The following LAMA2 variants were observed in gnomAD, a reference collection of about 807,000 sequenced individuals.
LAMA2 encodes laminin subunit alpha-2.
Under a neutral mutation model 364.8 loss-of-function variants are expected in LAMA2, and 269 were observed. That is an observed-to-expected ratio of 0.74 (90% CI 0.67 to 0.82). The LOEUF is 0.82. LAMA2 is among the 40% of genes least tolerant of loss of function. The probability of loss-of-function intolerance (pLI) is 0.00; values close to 1 mark genes in which losing one functional copy is unlikely to be tolerated. For missense variants in LAMA2, 3,807 were observed against 3,873.2 expected, an observed-to-expected ratio of 0.98 and a Z score of 0.45; for synonymous variants, 1,379 against 1,370.6, an observed-to-expected ratio of 1.01 and a Z score of -0.14.
intron 22 of LAMA2, among the ~76,000 whole-genome samples, chr6:129,304,546 A>G (rs1163199496): frequency 6.6e-6 from 1 of 152,240 alleles, no homozygotes; most frequent in Non-Finnish European, 1.5e-5. Flanking sequence ...TACAGGCGTG[A>G]GCCACCGTGC....
At chr6:128,933,260 G>GTC (rs1380503510) in intron 1 of LAMA2, among the ~76,000 whole-genome samples, 27 of 150,918 alleles carry the variant, frequency 1.8e-4, no homozygotes, top group African/African-American at 6.7e-4. Context: ...GTGTGTGTGT[G>GTC]TGTGTCTGTG....
At chr6:129,066,605 C>T (rs1179172441) in intron 3 of LAMA2, among the ~76,000 whole-genome samples, 1 of 25,426 alleles carries the variant, frequency 3.9e-5, no homozygotes, top group African/African-American at 1.1e-4. Context: ...TATGGAACCA[C>T]AAAAGGTGCT....
At chr6:128,989,553 A>C (rs758983922) in intron 1 of LAMA2, among the ~76,000 whole-genome samples, 2 of 152,164 alleles carry the variant, frequency 1.3e-5, no homozygotes, top group Non-Finnish European at 2.9e-5. Context: ...AGATCATTAA[A>C]ATCTGCCTTG....
At chr6:129,141,599 A>G (rs1368567866) in intron 4 of LAMA2, among the ~76,000 whole-genome samples, 1 of 152,034 alleles carries the variant, frequency 6.6e-6, no homozygotes, top group Non-Finnish European at 1.5e-5. Context: ...CAAGTAGTTT[A>G]TTGGCAGTCA....
At chr6:128,975,188 A>G (rs1482192230) in intron 1 of LAMA2, among the ~76,000 whole-genome samples, 3 of 152,194 alleles carry the variant, frequency 2.0e-5, no homozygotes, top group East Asian at 1.9e-4. Context: ...TAAATAGCAA[A>G]TGATGAGTAA....
At chr6:129,327,570 G>T (rs888991655) in intron 28 of LAMA2, among the ~76,000 whole-genome samples, 9 of 152,324 alleles carry the variant, frequency 5.9e-5, no homozygotes, top group East Asian at 3.9e-4. Context: ...TCATCTTCGT[G>T]CCAGAGCTGT....
intron 40 of LAMA2, among the ~76,000 whole-genome samples, chr6:129,408,424 T>C (rs915207975): frequency 4.6e-5 from 7 of 152,282 alleles, no homozygotes; most frequent in Admixed American, 2.0e-4. Context: ...TGCACTTCTT[T>C]AGCTGTAAAG....
chr6:129,473,973 A>G (rs960003047), intron 52 of LAMA2, among the ~76,000 whole-genome samples: 1 of 152,054 alleles, frequency 6.6e-6, no homozygotes, highest in African/African-American at 2.4e-5. Context: ...CGTGCTGTGT[A>G]GTTAATTTAC....
chr6:129,423,649 T>A (rs1781188143), intron 40 of LAMA2, among the ~76,000 whole-genome samples: 1 of 152,060 alleles, frequency 6.6e-6, no homozygotes, highest in Non-Finnish European at 1.5e-5. Context: ...AATCAGTCAT[T>A]TCAAAGACTG....
At chr6:128,929,921 A>G in intron 1 of LAMA2, 1 of 814,698 alleles carries the variant, frequency 1.2e-6, no homozygotes, top group South Asian at 1.5e-5. Context: ...CGCAGCAAGC[A>G]GGAGCGCGGC....
intron 1 of LAMA2, among the ~76,000 whole-genome samples, chr6:129,007,052 A>G (rs886859306): frequency 6.6e-6 from 1 of 152,110 alleles, no homozygotes; most frequent in Non-Finnish European, 1.5e-5. Context: ...ATTATTTATC[A>G]TACAGTGTTT....
chr6:128,902,292 C>T (rs1365424437), intron 1 of LAMA2, among the ~76,000 whole-genome samples: 1 of 152,158 alleles, frequency 6.6e-6, no homozygotes, highest in Non-Finnish European at 1.5e-5. Context: ...ACACAGAATG[C>T]CACTTTCCTA....
At chr6:129,056,503 T>TA (rs1222023799) in intron 2 of LAMA2, among the ~76,000 whole-genome samples, 1 of 152,162 alleles carries the variant, frequency 6.6e-6, no homozygotes, top group Non-Finnish European at 1.5e-5. Flanking sequence ...TAAGTTGAAT[T>TA]AAAAAATTTA....
intron 3 of LAMA2, among the ~76,000 whole-genome samples, chr6:129,067,224 A>G (rs1347629842): frequency 7.0e-6 from 1 of 142,258 alleles, no homozygotes; most frequent in Non-Finnish European, 1.5e-5. Flanking sequence ...TACATGTTCC[A>G]AATGTAGATT....
chr6:129,237,652 C>T (rs1394368082), intron 12 of LAMA2, among the ~76,000 whole-genome samples: 1 of 152,096 alleles, frequency 6.6e-6, no homozygotes, highest in Non-Finnish European at 1.5e-5. Flanking sequence ...CTGTTTCTCA[C>T]ATGCACCCTT....
intron 31 of LAMA2, among the ~76,000 whole-genome samples, chr6:129,350,362 A>G (rs1449778175): frequency 6.6e-6 from 1 of 152,208 alleles, no homozygotes; most frequent in African/African-American, 2.4e-5. Context: ...TATTGTGACA[A>G]TAAGTGTGTA....
rs1051971580 is a variant in LAMA2 at position 129,200,208 on chromosome 6, A to G, written c.1782+7355A>G. The stretch of plus-strand genomic sequence containing the variant: ...TGTGTATATATACATGTACACATAT[A>G]CATGTGTATATATATACGTGTACAC... On this transcript the variant is annotated intron_variant, in intron 12 of 64. Coordinates refer to ENST00000421865, the MANE Select transcript of LAMA2 (RefSeq NM_000426.4). Among the ~76,000 whole-genome samples the G allele has an allele frequency of 1.4e-5, 2 of 142,640 alleles. 1 individual carries two copies. The highest frequency in any genetic ancestry group is 5.4e-5 in the African/African-American group (2 of 37,110). The allele number at this position is 142,640 out of a possible 152,430, so 93.6% of individuals were successfully genotyped here. A position where few individuals can be genotyped will look rare whatever the true frequency, so the allele number is the denominator to read the frequency against.
intron 1 of LAMA2, among the ~76,000 whole-genome samples, chr6:128,909,716 A>G (rs1217626068): frequency 4.7e-5 from 7 of 148,152 alleles, no homozygotes; most frequent in Admixed American, 4.7e-4. Flanking sequence ...TAGTTGATGC[A>G]GTTTCTTCCT....
At chr6:129,475,246 T>C in intron 52 of LAMA2, 144 bp from the exon 53 acceptor site, 1 of 568,944 alleles carries the variant, frequency 1.8e-6, no homozygotes, top group Non-Finnish European at 3.1e-6. Context: ...TATTGGGGCT[T>C]TTGCATTTCT....
Sources: allele counts gnomAD v4.1 joint callset (sites outside exome capture counted in the v4.1 genomes callset), GRCh38; gene constraint gnomAD v4.1.1; transcripts MANE v1.5; gene names NCBI Gene and HGNC (gene_info 2026-07-23, HGNC 2026-07-21).